Variants in NYAP2 observed in about 807,000 individuals in gnomAD.
NYAP2 encodes the protein neuronal tyrosine-phosphorylated phosphoinositide-3-kinase adaptor 2, also known as neuronal tyrosine-phosphorylated phosphoinositide-3-kinase adapter 2.
In NYAP2, 23 loss-of-function variants were observed where a neutral mutation model predicts 50.4. The ratio of observed to expected loss-of-function variants is 0.46; its 90% CI spans 0.33 to 0.65. NYAP2 has a LOEUF of 0.65. Ranked by LOEUF, NYAP2 falls within the 30% of genes least tolerant of loss-of-function variation. The probability of loss-of-function intolerance (pLI) is 0.02; values close to 1 mark genes in which losing one functional copy is unlikely to be tolerated. For missense variants in NYAP2, 885 were observed against 861.0 expected (o/e 1.03, Z -0.35); for synonymous variants, 394 against 365.2 (o/e 1.08, Z -0.90).
chr2:225,472,494 G>A (rs949075539), intron 3 of NYAP2, among the ~76,000 whole-genome samples: 1 of 152,144 alleles, frequency 6.6e-6, no homozygotes, highest in Non-Finnish European at 1.5e-5. Context: ...AGAGGTAAGA[G>A]TCCTTCAAAA....
At chr2:225,573,385 G>T (rs186516727) in intron 4 of NYAP2, among the ~76,000 whole-genome samples, 122 of 151,664 alleles carry the variant, frequency 8.0e-4, no homozygotes, top group African/African-American at 3.0e-3. Context: ...CCGAGTAGCT[G>T]GGATTACAGG....
intron 3 of NYAP2, among the ~76,000 whole-genome samples, chr2:225,494,579 C>T (rs1313713385): frequency 1.3e-5 from 2 of 152,162 alleles, no homozygotes; most frequent in Non-Finnish European, 2.9e-5. Context: ...TCATTCCTCC[C>T]AGAAAATTAG....
chr2:225,467,597 A>G (rs1689941171), intron 3 of NYAP2, among the ~76,000 whole-genome samples: 1 of 152,202 alleles, frequency 6.6e-6, no homozygotes, highest in Non-Finnish European at 1.5e-5. Flanking sequence ...AGAATAGACT[A>G]TCAAAGTCTC....
intron 3 of NYAP2, among the ~76,000 whole-genome samples, chr2:225,451,411 T>A (rs1159908193): frequency 6.6e-6 from 1 of 152,206 alleles, no homozygotes; most frequent in Non-Finnish European, 1.5e-5. Flanking sequence ...ATACAAAAAA[T>A]AATTTCATTG....
rs1559182007 is a variant in NYAP2, at chr2:225,446,248, A to AT, written c.221+37148dup. On this transcript the variant is annotated intron_variant, in intron 3 of 6. Transcript: ENST00000636099. The stretch of plus-strand genomic sequence containing the variant: ...TCTCTCTCTCTCTCTCTCTCTCTCT[A>AT]TATATATATATATATATATATATAT... Among the ~76,000 whole-genome samples the AT allele has an allele frequency of 9.2e-4, 55 of 59,576 alleles. 1 individual carries two copies. The highest frequency in any genetic ancestry group is 2.2e-3 in the African/African-American group (51 of 23,570). 39.1% of individuals were successfully genotyped at this position (59,576 alleles called of 152,430 possible).
intron 6 of NYAP2, 28 bp downstream of exon 6, chr2:225,627,154 GT>G: frequency 6.6e-7 from 1 of 1,508,734 alleles, no homozygotes; most frequent in Non-Finnish European, 9.0e-7. Flanking sequence ...CTTCCAGAAG[GT>G]AATTCCTCCT....
At chr2:225,451,666 TTTAC>T (rs1192286198) in intron 3 of NYAP2, among the ~76,000 whole-genome samples, 1 of 152,190 alleles carries the variant, frequency 6.6e-6, no homozygotes, top group Non-Finnish European at 1.5e-5. Context: ...TACCACCTCC[TTTAC>T]TTACTTTACG....
chr2:225,620,383 ACACG>A (rs1172561047), intron 5 of NYAP2, among the ~76,000 whole-genome samples: 4 of 151,898 alleles, frequency 2.6e-5, no homozygotes, highest in African/African-American at 4.8e-5. Context: ...ACAGGCACCC[ACACG>A]CACGCACGCA....
intron 4 of NYAP2, among the ~76,000 whole-genome samples, chr2:225,566,152 C>A (rs1691957891): frequency 2.0e-5 from 3 of 152,066 alleles, no homozygotes; most frequent in Non-Finnish European, 4.4e-5. Flanking sequence ...AGCGCATTGT[C>A]TGATACAAAT....
intron 4 of NYAP2, among the ~76,000 whole-genome samples, chr2:225,577,438 A>G (rs1207052465): frequency 1.3e-5 from 2 of 151,898 alleles, no homozygotes; most frequent in African/African-American, 2.4e-5. Flanking sequence ...CCTTATAAAG[A>G]AGTGGCATTT....
chr2:225,460,143 G>T (rs755435796), intron 3 of NYAP2, among the ~76,000 whole-genome samples: 1 of 152,064 alleles, frequency 6.6e-6, no homozygotes, highest in Non-Finnish European at 1.5e-5. Context: ...ATCAAATGAT[G>T]ATTTTTTTTG....
At chr2:225,446,278 A>G (rs1689563400) in intron 3 of NYAP2, among the ~76,000 whole-genome samples, 1 of 135,296 alleles carries the variant, frequency 7.4e-6, no homozygotes, top group Non-Finnish European at 1.6e-5. Flanking sequence ...ATATATATAT[A>G]TATGTGGAAT....
intron 3 of NYAP2, among the ~76,000 whole-genome samples, chr2:225,484,465 C>CTCTA (rs1690256731): frequency 6.6e-6 from 1 of 152,176 alleles, no homozygotes; most frequent in Non-Finnish European, 1.5e-5. Context: ...ATTTAATAAT[C>CTCTA]TCTATGACAG....
At chr2:225,622,529 C>CT (rs1553557357) in intron 5 of NYAP2, among the ~76,000 whole-genome samples, 1 of 51,324 alleles carries the variant, frequency 1.9e-5, no homozygotes, top group Non-Finnish European at 3.7e-5. Context: ...TTCTTTCTTT[C>CT]TTTCTTTCTT....
intron 6 of NYAP2, among the ~76,000 whole-genome samples, chr2:225,640,092 A>G (rs1693500195): frequency 6.6e-6 from 1 of 152,216 alleles, no homozygotes; most frequent in Non-Finnish European, 1.5e-5. Context: ...TTATGTGATC[A>G]CATATACAGA....
At chr2:225,525,699 C>A (rs1418110128) in intron 4 of NYAP2, among the ~76,000 whole-genome samples, 1 of 152,090 alleles carries the variant, frequency 6.6e-6, no homozygotes, top group African/African-American at 2.4e-5. Flanking sequence ...ATGATGGGTA[C>A]AACAAAAGCC....
chr2:225,515,460 T>A (rs1690912486), intron 4 of NYAP2, among the ~76,000 whole-genome samples: 1 of 150,702 alleles, frequency 6.6e-6, no homozygotes, highest in South Asian at 2.1e-4. Flanking sequence ...AGTGCTACAA[T>A]GAACATTCAT....
intron 4 of NYAP2, among the ~76,000 whole-genome samples, chr2:225,579,879 T>A (rs1412875255): frequency 6.6e-6 from 1 of 152,208 alleles, no homozygotes; most frequent in Admixed American, 6.5e-5. Context: ...CAAATTATAA[T>A]TTAAGAGGGT....
intron 4 of NYAP2, among the ~76,000 whole-genome samples, chr2:225,522,601 C>G (rs1211347873): frequency 6.6e-6 from 1 of 152,154 alleles, no homozygotes; most frequent in Non-Finnish European, 1.5e-5. Context: ...AATGTCATTT[C>G]TCATGCCTCC....
Sources: gnomAD v4.1 joint callset for allele counts (sites outside exome capture counted in the v4.1 genomes callset) on GRCh38, gnomAD v4.1.1 for gene constraint, MANE v1.5 for transcripts, NCBI Gene and HGNC (gene_info 2026-07-23, HGNC 2026-07-21) for gene names.